The following SYNPR variants were observed in gnomAD, a reference collection of about 807,000 sequenced individuals.
SYNPR encodes the protein synaptoporin.
In SYNPR, 23 loss-of-function variants were observed where a neutral mutation model predicts 32.9. That is an observed-to-expected ratio of 0.70 (90% confidence interval 0.50 to 0.99). SYNPR has a LOEUF of 0.99. SYNPR is among the 50% of genes least tolerant of loss of function. The probability of loss-of-function intolerance (pLI) is 0.00; values close to 1 mark genes in which losing one functional copy is unlikely to be tolerated. For synonymous variants in SYNPR, 146 were observed against 135.9 expected (o/e 1.07, Z -0.52); for missense variants, 318 against 349.3 (o/e 0.91, Z 0.71).
intron 4 of SYNPR, among the ~76,000 whole-genome samples, chr3:63,597,017 T>A (rs1221290501): frequency 6.6e-6 from 1 of 152,172 alleles, no homozygotes; most frequent in African/African-American, 2.4e-5. Context: ...AATTTTAGAT[T>A]GATTATATGA....
intron 3 of SYNPR, among the ~76,000 whole-genome samples, chr3:63,516,405 A>T (rs1267477902): frequency 6.6e-6 from 1 of 152,148 alleles, no homozygotes; most frequent in Non-Finnish European, 1.5e-5. Flanking sequence ...CTTGGAAATC[A>T]GTTGTTTCAG....
At chr3:63,210,795 C>CCCTTCCTTCCTT in the SYNPR span, among the ~76,000 whole-genome samples, 1 of 143,858 alleles carries the variant, frequency 7.0e-6, no homozygotes, top group Non-Finnish European at 1.5e-5. Context: ...CCATTTTCCT[C>CCCTTCCTTCCTT]CCTTCCTTCC....
chr3:63,427,900 C>T (rs73110863), intron 2 of SYNPR, among the ~76,000 whole-genome samples: 1,758 of 152,318 alleles, frequency 0.012, 23 homozygotes, highest in Non-Finnish European at 0.013. Context: ...AAGGTCCAAG[C>T]CAAGTGTACT....
At chr3:63,217,101 G>C in the SYNPR span, among the ~76,000 whole-genome samples, 1 of 27,144 alleles carries the variant, frequency 3.7e-5, no homozygotes, top group East Asian at 3.6e-4. Flanking sequence ...GAGAACCACT[G>C]CTCTCTTCAA....
chr3:63,459,715 TTCA>T (rs1277493937), intron 2 of SYNPR, among the ~76,000 whole-genome samples: 2 of 152,102 alleles, frequency 1.3e-5, no homozygotes, highest in Admixed American at 1.3e-4. Flanking sequence ...AGCTATGTGA[TTCA>T]TCAAGTTCAA....
intron 4 of SYNPR, among the ~76,000 whole-genome samples, chr3:63,593,151 C>A (rs1461206559): frequency 5.3e-5 from 8 of 152,052 alleles, no homozygotes; most frequent in Admixed American, 6.6e-5. Context: ...CAGCACCTGA[C>A]CCATAGTAAA....
chr3:63,379,297 G>T (rs927000120), intron 2 of SYNPR, among the ~76,000 whole-genome samples: 1 of 152,076 alleles, frequency 6.6e-6, no homozygotes, highest in Admixed American at 6.6e-5. Context: ...TTCTGCTGTC[G>T]TTTGGTGAAG....
At chr3:63,343,460 G>C (rs1012647362) in intron 2 of SYNPR, among the ~76,000 whole-genome samples, 1 of 152,290 alleles carries the variant, frequency 6.6e-6, no homozygotes, top group South Asian at 2.1e-4. Flanking sequence ...GGCACTGGTG[G>C]AGAGAAGGAG....
intron 3 of SYNPR, among the ~76,000 whole-genome samples, chr3:63,490,525 A>G (rs1024500204): frequency 7.9e-5 from 12 of 152,086 alleles, no homozygotes; most frequent in African/African-American, 2.7e-4. Flanking sequence ...GGGTTGGCCC[A>G]GGGTGGAGGC....
At position 63,609,271 on chromosome 3, in the gene SYNPR, C is replaced by A; in HGVS notation, c.555C>A (p.Cys185Ter). 6.2e-7 allele frequency: 1 copy of A among 1,603,216 alleles called. No individual in the cohort carries two copies. The highest frequency in any genetic ancestry group is 8.5e-7 in the Non-Finnish European group (1 of 1,174,404). ...MSACKQPSNK[C>*]MAIHSPVMSS... The stretch of plus-strand genomic sequence containing the variant: ...CTTGCAAACAGCCATCCAACAAATG[C>A]ATGGCTATCCACAGCCCTGTTATGT... The change falls in exon 5 of 6, where the codon TGC becomes TGA. Residue 185 changes from cysteine (C) to a stop codon, truncating the protein, a stop_gained. Coordinates refer to ENST00000478300, the MANE Select transcript of SYNPR (RefSeq NM_001130003.2). LOFTEE classifies it high-confidence loss of function.
In SYNPR at chr3:63,595,755, A is replaced by ATATATATAGTTT. The variant is rs1699934304; in HGVS notation, c.409-13362_409-13361insGTTTTATATATA. Among the ~76,000 whole-genome samples the ATATATATAGTTT allele has an allele frequency of 6.2e-5, 2 of 32,278 alleles. 1 individual carries two copies. Among genetic ancestry groups the ATATATATAGTTT allele is most frequent in the African/African-American group, 4.1e-4 (2 of 4,850 alleles). The allele number at this position is 32,278 out of a possible 152,430, so 21.2% of individuals were successfully genotyped here. A position where few individuals can be genotyped will look rare whatever the true frequency, so the allele number is the denominator to read the frequency against. ...TATATATATATATATATATATATAT[A>ATATATATAGTTT]TATATATATATATAATTTTATATAT... On this transcript the variant is annotated intron_variant, in intron 4 of 5. Transcript: ENST00000478300.
At chr3:63,573,545 T>C (rs149233865) in intron 4 of SYNPR, among the ~76,000 whole-genome samples, 18 of 152,318 alleles carry the variant, frequency 1.2e-4, no homozygotes, top group East Asian at 1.2e-3. Flanking sequence ...GAATGAATGC[T>C]GGGAGCAGCT....
At chr3:63,506,291 C>T (rs1409500142) in intron 3 of SYNPR, among the ~76,000 whole-genome samples, 2 of 152,162 alleles carry the variant, frequency 1.3e-5, no homozygotes, top group Non-Finnish European at 2.9e-5. Context: ...TGATGGAGTA[C>T]ATATGCTTCT....
intron 3 of SYNPR, among the ~76,000 whole-genome samples, chr3:63,521,610 A>T (rs890764039): frequency 2.0e-5 from 3 of 152,198 alleles, no homozygotes; most frequent in African/African-American, 7.2e-5. Context: ...ACTACGTTGG[A>T]GTATTTTCTT....
chr3:63,278,969 T>C (rs17068063), intron 2 of SYNPR, among the ~76,000 whole-genome samples: 10,839 of 152,190 alleles, frequency 0.071, 422 homozygotes, highest in Middle Eastern at 0.099. Flanking sequence ...TGCAGGGGCT[T>C]AGACAAGTGT....
chr3:63,380,016 C>G lies in SYNPR; in HGVS notation c.85-100816C>G, dbSNP rs551398983. Among the ~76,000 whole-genome samples, 548 of 152,268 alleles carry G rather than the reference C, an allele frequency of 3.6e-3. 4 individuals are homozygous for G. The highest frequency in any genetic ancestry group is 0.013 in the African/African-American group (524 of 41,540). ...TCCACGTCCCTGCAAAGGACATGAACTCATCATTTTTTATGGCTGCATAGT... is the reference window on the plus strand; with the variant it reads ...TCCACGTCCCTGCAAAGGACATGAAGTCATCATTTTTTATGGCTGCATAGT... On this transcript the variant is annotated intron_variant, in intron 2 of 5. Coordinates refer to ENST00000478300, the MANE Select transcript of SYNPR (RefSeq NM_001130003.2).
intron 4 of SYNPR, among the ~76,000 whole-genome samples, chr3:63,569,677 A>T (rs1185875714): frequency 1.3e-5 from 2 of 152,260 alleles, no homozygotes; most frequent in Admixed American, 1.3e-4. Flanking sequence ...GCGTAGGCCC[A>T]GTGCTGGGCT....
intron 2 of SYNPR, among the ~76,000 whole-genome samples, chr3:63,292,779 G>A (rs1322139295): frequency 1.3e-5 from 2 of 152,174 alleles, no homozygotes; most frequent in East Asian, 1.9e-4. Flanking sequence ...TCTCTTAAAT[G>A]TGCGCATGCA....
intron 2 of SYNPR, among the ~76,000 whole-genome samples, chr3:63,390,636 G>A (rs1286766196): frequency 6.6e-6 from 1 of 152,196 alleles, no homozygotes; most frequent in African/African-American, 2.4e-5. Flanking sequence ...TTAATTCCTA[G>A]GGCTTCGGGT....
Sources: allele counts gnomAD v4.1 joint callset (sites outside exome capture counted in the v4.1 genomes callset), GRCh38; gene constraint gnomAD v4.1.1; transcripts MANE v1.5; gene names NCBI Gene and HGNC (gene_info 2026-07-23, HGNC 2026-07-21).